ZNF91: variants seen among roughly 807,000 people sequenced by gnomAD.
The protein encoded by ZNF91 is zinc finger protein 91, also known as zinc finger protein 91 (HPF7, HTF10).
ZNF91 carries 7 observed loss-of-function variants against 12.6 expected under a neutral mutation model. The ratio of observed to expected loss-of-function variants is 0.55; its 90% CI spans 0.31 to 1.04. The LOEUF (loss-of-function observed/expected upper bound fraction) is 1.04, where lower values mean the gene tolerates loss of function less well. Ranked by LOEUF, ZNF91 falls within the 50% of genes least tolerant of loss-of-function variation. The pLI, the probability that ZNF91 is intolerant of heterozygous loss-of-function variation, is 0.05. For synonymous variants in ZNF91, 453 were observed against 462.6 expected, an observed-to-expected ratio of 0.98 and a Z score of 0.27; for missense variants, 1,217 against 1,385.4, an observed-to-expected ratio of 0.88 and a Z score of 1.93.
chr19:23,363,303 C>T (rs1968884486), intron 3 of ZNF91, among the ~76,000 whole-genome samples: 1 of 152,128 alleles, frequency 6.6e-6, no homozygotes, highest in African/African-American at 2.4e-5. Flanking sequence ...TTCCCTCTCT[C>T]ATGACATAAG....
At chr19:23,355,265 A>C (rs1968457143), downstream of ZNF91, among the ~76,000 whole-genome samples, 2 of 152,222 alleles carry the variant, frequency 1.3e-5, no homozygotes, top group Non-Finnish European at 2.9e-5. Flanking sequence ...AAATAGGCAC[A>C]TAGACCAATG....
At chr19:23,367,928 T>C (rs1045490486) in intron 3 of ZNF91, among the ~76,000 whole-genome samples, 1 of 152,126 alleles carries the variant, frequency 6.6e-6, no homozygotes, top group Non-Finnish European at 1.5e-5. Context: ...TTGTTGTTTT[T>C]TGAGATGGAG....
At chr19:23,323,129 GTTC>G (rs1170155629) in intron 1 of ZNF91, among the ~76,000 whole-genome samples, 1 of 113,064 alleles carries the variant, frequency 8.8e-6, no homozygotes, top group African/African-American at 3.6e-5. Flanking sequence ...CTCCTTTTCA[GTTC>G]TTCCTCCTTT....
intron 3 of ZNF91, among the ~76,000 whole-genome samples, chr19:23,367,811 A>C (rs114440314): frequency 0.024 from 3,633 of 152,314 alleles, 134 homozygotes; most frequent in African/African-American, 0.082. Flanking sequence ...TTCTGTTAGA[A>C]ACTGAATATC....
chr19:23,379,471 A>G (rs1294785885), intron 1 of ZNF91, among the ~76,000 whole-genome samples: 2 of 152,228 alleles, frequency 1.3e-5, no homozygotes, highest in Non-Finnish European at 2.9e-5. Flanking sequence ...TGAATGTCAC[A>G]TGCATTACAA....
At chr19:23,382,836 A>G (rs893904426) in intron 1 of ZNF91, among the ~76,000 whole-genome samples, 1 of 152,208 alleles carries the variant, frequency 6.6e-6, no homozygotes, top group African/African-American at 2.4e-5. Flanking sequence ...CAGATGAACA[A>G]GAAGCTCAAA....
At chr19:23,314,912 A>T (rs946347669), upstream of ZNF91, among the ~76,000 whole-genome samples, 4 of 152,084 alleles carry the variant, frequency 2.6e-5, no homozygotes, top group African/African-American at 9.7e-5. Context: ...TGCAGCACCT[A>T]TGTGGTGTGA....
intron 1 of ZNF91, among the ~76,000 whole-genome samples, chr19:23,384,359 T>C (rs1969808386): frequency 6.6e-6 from 1 of 152,098 alleles, no homozygotes; most frequent in Non-Finnish European, 1.5e-5. Context: ...CTCGCTTCCC[T>C]GCAGGTCACC....
In ZNF91 at chr19:23,358,457, G is replaced by T. The variant is rs1032114104; in HGVS notation, c.*946C>A. On this transcript the variant is annotated 3_prime_UTR_variant, in exon 4 of 4. Transcript: ENST00000300619. ...TTCCATAGAAAAGGTCATAAATAATGCCTCTTCATATTTGTAATGCTTTTT... is the reference window on the plus strand; with the variant it reads ...TTCCATAGAAAAGGTCATAAATAATTCCTCTTCATATTTGTAATGCTTTTT... 1 of 151,990 alleles carries T rather than the reference G, an allele frequency of 6.6e-6. No homozygotes were observed. The highest frequency in any genetic ancestry group is 2.4e-5 in the African/African-American group (1 of 41,368). The allele number at this position is 151,990 out of a possible 1,614,324, so 9.4% of individuals were successfully genotyped here.
intron 1 of ZNF91, among the ~76,000 whole-genome samples, chr19:23,382,253 TA>T (rs1969744828): frequency 6.6e-6 from 1 of 152,216 alleles, no homozygotes; most frequent in Non-Finnish European, 1.5e-5. Flanking sequence ...GCCAGGTCTC[TA>T]AACATGTTCT....
intron 3 of ZNF91, among the ~76,000 whole-genome samples, chr19:23,350,975 C>T (rs551625968): frequency 1.4e-4 from 21 of 152,186 alleles, no homozygotes; most frequent in South Asian, 2.1e-4. Context: ...TCTCAGGGTT[C>T]GAACCAATAT....
intron 1 of ZNF91, among the ~76,000 whole-genome samples, chr19:23,332,414 T>A (rs2145872110): frequency 6.6e-6 from 1 of 152,226 alleles, no homozygotes; most frequent in African/African-American, 2.4e-5. Flanking sequence ...ATTATTATCC[T>A]CAGGATTCAC....
rs1441539793 is a variant in ZNF91, at chr19:23,390,134, T to C, written c.30+5191A>G. ...GAGTTCAAGACCAGCCTGACCAACA[T>C]GGAGAAACTCTGTCTCTAGTAAAAA... On this transcript the variant is annotated intron_variant, in intron 1 of 3. Transcript: ENST00000300619. Among the ~76,000 whole-genome samples the C allele has an allele frequency of 3.3e-5, 5 of 152,024 alleles. No homozygotes were observed. The South Asian group carries it at 8.3e-4, about 25-fold the overall frequency.
intron 1 of ZNF91, among the ~76,000 whole-genome samples, chr19:23,323,166 CCT>C (rs1414894863): frequency 6.7e-6 from 1 of 148,660 alleles, no homozygotes; most frequent in Non-Finnish European, 1.5e-5. Flanking sequence ...CTCCTCTCCA[CCT>C]TTTTCTCTTC....
intron 1 of ZNF91, among the ~76,000 whole-genome samples, chr19:23,321,253 T>C (rs1457918535): frequency 1.3e-5 from 2 of 152,124 alleles, no homozygotes; most frequent in Non-Finnish European, 2.9e-5. Flanking sequence ...CTAGGCGAGA[T>C]GACTCTATTC....
chr19:23,368,183 G>GAGGCCCAGCCGCATAAATTTTT (rs1321680986), intron 3 of ZNF91, among the ~76,000 whole-genome samples: 2 of 151,916 alleles, frequency 1.3e-5, no homozygotes, highest in East Asian at 3.9e-4. Flanking sequence ...GCTGGGCGAC[G>GAGGCCCAGCCGCATAAATTTTT]AGGCCCAGCC....
At chr19:23,322,246 C>A (rs544072177) in intron 1 of ZNF91, among the ~76,000 whole-genome samples, 1 of 152,166 alleles carries the variant, frequency 6.6e-6, no homozygotes, top group Non-Finnish European at 1.5e-5. Context: ...GGTGATGTGG[C>A]GCTCCTGCTT....
chr19:23,354,370 T>G (rs554351680), downstream of ZNF91, among the ~76,000 whole-genome samples: 2 of 152,070 alleles, frequency 1.3e-5, no homozygotes, highest in African/African-American at 4.8e-5. Context: ...AAAAATCACA[T>G]GATCATCTGA....
At chr19:23,348,281 T>C (rs140612191) in intron 3 of ZNF91, among the ~76,000 whole-genome samples, 39 of 152,326 alleles carry the variant, frequency 2.6e-4, no homozygotes, top group African/African-American at 9.1e-4. Context: ...GGCTGAATGT[T>C]GCGGGAAGTC....
Sources: allele counts gnomAD v4.1 joint callset (sites outside exome capture counted in the v4.1 genomes callset), GRCh38; gene constraint gnomAD v4.1.1; transcripts MANE v1.5; gene names NCBI Gene and HGNC (gene_info 2026-07-23, HGNC 2026-07-21).